SYCP2L: variants seen among roughly 807,000 people sequenced by gnomAD.
The protein encoded by SYCP2L is synaptonemal complex protein 2 like.
In SYCP2L, 98 loss-of-function variants were observed where a neutral mutation model predicts 125.8. That is an observed-to-expected ratio of 0.78 (90% CI 0.66 to 0.92). The LOEUF is 0.92. Among genes scored for constraint, SYCP2L ranks in the 40% least tolerant of loss-of-function variants. The probability of loss-of-function intolerance (pLI) is 0.00; values close to 1 mark genes in which losing one functional copy is unlikely to be tolerated. For missense variants in SYCP2L, 842 were observed against 936.4 expected, an observed-to-expected ratio of 0.90 and a Z score of 1.32; for synonymous variants, 317 against 325.4, an observed-to-expected ratio of 0.97 and a Z score of 0.28.
rs1484050515 is a variant in SYCP2L at position 10,930,415 on chromosome 6, T to C, written c.1534T>C (p.Ser512Pro). The C allele has an allele frequency of 6.2e-7, 1 of 1,613,586 alleles. No individual in the cohort carries two copies. The highest frequency in any genetic ancestry group is 2.2e-5 in the East Asian group (1 of 44,782). Residue 512 changes from serine to proline, a missense_variant, in exon 19 of 30, where the codon TCA becomes CCA. Transcript: ENST00000283141. ...KHLFSESNQDSSTSELSWTSN... is the reference protein window; with the variant it reads ...KHLFSESNQDPSTSELSWTSN... ...TCTCTTCTCTGAGAGTAATCAAGAT[T>C]CAAGTACCAGTGAACTATCTTGGAC...
chr6:10,919,219 G>A (rs771539321), intron 14 of SYCP2L, among the ~76,000 whole-genome samples: 1 of 152,180 alleles, frequency 6.6e-6, no homozygotes, highest in Non-Finnish European at 1.5e-5. Flanking sequence ...CAGAGGGAAG[G>A]TCTGGGGCTG....
intron 14 of SYCP2L, among the ~76,000 whole-genome samples, chr6:10,919,792 G>A (rs1780759659): frequency 2.0e-5 from 3 of 152,080 alleles, no homozygotes; most frequent in African/African-American, 7.2e-5. Flanking sequence ...GGTCAATGGA[G>A]TTATGTTCCT....
chr6:10,926,566 G>A (rs902558020), intron 16 of SYCP2L, 134 bp downstream of exon 16: 27 of 637,226 alleles, frequency 4.2e-5, no homozygotes, highest in East Asian at 5.7e-5. Flanking sequence ...AGGAAGAAGA[G>A]TTGCTGATAG....
chr6:10,893,586 G>A (rs535327328), intron 2 of SYCP2L, among the ~76,000 whole-genome samples: 1 of 152,264 alleles, frequency 6.6e-6, no homozygotes, highest in South Asian at 2.1e-4. Flanking sequence ...CGAGAATCAC[G>A]TGAAAGGCTC....
chr6:10,927,206 G>A, intron 16 of SYCP2L, 34 bp from the exon 17 acceptor site: 1 of 1,612,876 alleles, frequency 6.2e-7, no homozygotes, highest in Non-Finnish European at 8.5e-7. Flanking sequence ...CGTGTGCACG[G>A]TTATTATATT....
chr6:10,969,733 T>A (rs1370724314), intron 29 of SYCP2L, among the ~76,000 whole-genome samples: 1 of 152,038 alleles, frequency 6.6e-6, no homozygotes, highest in Non-Finnish European at 1.5e-5. Flanking sequence ...ACAAACTTGA[T>A]CATAATAGGG....
At chr6:10,940,777 G>A (rs1781203605) in intron 21 of SYCP2L, among the ~76,000 whole-genome samples, 1 of 152,136 alleles carries the variant, frequency 6.6e-6, no homozygotes, top group South Asian at 2.1e-4. Context: ...AGTGATGGAT[G>A]TGTTCATCGA....
chr6:10,927,494 C>A, intron 17 of SYCP2L, 127 bp downstream of exon 17: 1 of 687,602 alleles, frequency 1.5e-6, no homozygotes, highest in Non-Finnish European at 2.4e-6. Context: ...TTCCGTGATG[C>A]CCCCTGAGCT....
chr6:10,931,344 T>C, intron 19 of SYCP2L, 96 bp from the exon 20 acceptor site: 1 of 1,188,564 alleles, frequency 8.4e-7, no homozygotes, highest in Non-Finnish European at 1.2e-6. Context: ...GAAGTGGGAA[T>C]TGCTTTTAGT....
chr6:10,910,699 C>G, intron 11 of SYCP2L, 125 bp from the exon 12 acceptor site: 1 of 1,005,440 alleles, frequency 9.9e-7, no homozygotes, highest in South Asian at 1.3e-5. Flanking sequence ...TTGAAACCCC[C>G]TATTGTACTC....
chr6:10,961,035 G>A (rs989762027), intron 26 of SYCP2L, among the ~76,000 whole-genome samples: 2 of 150,150 alleles, frequency 1.3e-5, no homozygotes, highest in Non-Finnish European at 3.0e-5. Context: ...CTGAGATCAC[G>A]CCATTGCACT....
intron 23 of SYCP2L, among the ~76,000 whole-genome samples, chr6:10,953,751 T>C (rs545456072): frequency 8.5e-5 from 13 of 152,284 alleles, no homozygotes; most frequent in African/African-American, 1.2e-4. Flanking sequence ...TACCCTCTAG[T>C]GTGGGAGACA....
At chr6:10,910,324 A>T in intron 11 of SYCP2L, 124 bp downstream of exon 11, 1 of 876,272 alleles carries the variant, frequency 1.1e-6, no homozygotes, top group Non-Finnish European at 1.8e-6. Context: ...TACAGAGTAT[A>T]CTGAGTTGTC....
rs199664389 is a variant in SYCP2L at position 10,927,191 on chromosome 6, G to A, written c.1313-49G>A. 1.2e-5 allele frequency: 20 copies of A among 1,606,418 alleles called. No homozygotes were observed. The East Asian group carries it at 3.8e-4, about 31-fold the overall frequency. On this transcript the variant is annotated intron_variant, in intron 16 of 29. Transcript: ENST00000283141. Reference sequence around the variant, plus strand: ...TCCCATGAAGACCACTGGTGAGTATGTCAGCGTGTGCACGGTTATTATATT... The same window carrying A: ...TCCCATGAAGACCACTGGTGAGTATATCAGCGTGTGCACGGTTATTATATT...
chr6:10,924,414 C>A (rs566750210), intron 14 of SYCP2L, 82 bp from the exon 15 acceptor site: 3 of 1,147,252 alleles, frequency 2.6e-6, no homozygotes, highest in African/African-American at 3.2e-5. Flanking sequence ...AATACCCTAG[C>A]GTAGTTATTT....
chr6:10,894,993 C>G (rs113456337), intron 4 of SYCP2L, among the ~76,000 whole-genome samples: 5 of 152,152 alleles, frequency 3.3e-5, no homozygotes, highest in Non-Finnish European at 5.9e-5. Context: ...CTCTAAAATG[C>G]GTCTAATTAT....
chr6:10,948,352 C>T (rs1266912755), intron 23 of SYCP2L, among the ~76,000 whole-genome samples: 1 of 152,010 alleles, frequency 6.6e-6, no homozygotes, highest in Non-Finnish European at 1.5e-5. Flanking sequence ...TTTTCCCAAC[C>T]CCTTGATTCC....
At chr6:10,935,330 G>T in intron 21 of SYCP2L, 143 bp downstream of exon 21, 1 of 879,708 alleles carries the variant, frequency 1.1e-6, no homozygotes, top group Admixed American at 3.0e-5. Flanking sequence ...TCTCTTATTA[G>T]CAAATTAACA....
intron 24 of SYCP2L, among the ~76,000 whole-genome samples, chr6:10,955,773 C>G (rs1289625713): frequency 6.6e-6 from 1 of 152,166 alleles, no homozygotes; most frequent in Non-Finnish European, 1.5e-5. Context: ...TTTTGTGAGA[C>G]TTAATTGATG....
Sources: allele counts gnomAD v4.1 joint callset (sites outside exome capture counted in the v4.1 genomes callset), GRCh38; gene constraint gnomAD v4.1.1; transcripts MANE v1.5; gene names NCBI Gene and HGNC (gene_info 2026-07-23, HGNC 2026-07-21).